The following NSMAF variants were observed in gnomAD, a reference collection of about 807,000 sequenced individuals.
NSMAF encodes the protein protein FAN.
NSMAF carries 90 observed loss-of-function variants against 134.9 expected under a neutral mutation model. That is an observed-to-expected ratio of 0.67 (90% CI 0.56 to 0.79). The LOEUF (loss-of-function observed/expected upper bound fraction) is 0.79. NSMAF is among the 30% of genes least tolerant of loss of function. The probability of loss-of-function intolerance (pLI) is 0.00; values close to 1 mark genes in which losing one functional copy is unlikely to be tolerated. For missense variants in NSMAF, 1,010 were observed against 1,119.0 expected (o/e 0.90, Z 1.39); for synonymous variants, 358 against 389.6 (o/e 0.92, Z 0.96).
chr8:58,589,053 GT>G (rs1034050016), intron 26 of NSMAF, among the ~76,000 whole-genome samples: 3 of 150,434 alleles, frequency 2.0e-5, no homozygotes, highest in African/African-American at 7.3e-5. Flanking sequence ...ATAAGGAAGT[GT>G]TTTTTTTAAA....
chr8:58,655,209 C>G (rs754481955), intron 1 of NSMAF, among the ~76,000 whole-genome samples: 2 of 151,988 alleles, frequency 1.3e-5, no homozygotes, highest in Non-Finnish European at 2.9e-5. Flanking sequence ...TGAGTTCAAA[C>G]GATCTTTGTG....
chr8:58,623,512 T>C, intron 7 of NSMAF, 88 bp from the exon 8 acceptor site: 2 of 1,343,446 alleles, frequency 1.5e-6, no homozygotes, highest in Non-Finnish European at 2.1e-6. Context: ...CAGCAATCAT[T>C]CTGTTAACAG....
intron 1 of NSMAF, among the ~76,000 whole-genome samples, chr8:58,658,375 T>C (rs1232573782): frequency 6.6e-6 from 1 of 152,272 alleles, no homozygotes; most frequent in Non-Finnish European, 1.5e-5. Context: ...ATATCTGAGA[T>C]ACGTTTTCTG....
At chr8:58,642,007 T>C (rs1363610641) in intron 2 of NSMAF, among the ~76,000 whole-genome samples, 2 of 152,168 alleles carry the variant, frequency 1.3e-5, no homozygotes, top group African/African-American at 4.8e-5. Context: ...GGGAAAAGAA[T>C]ATGAGCAAAA....
At chr8:58,627,286 C>T (rs907269745) in intron 6 of NSMAF, among the ~76,000 whole-genome samples, 12 of 152,120 alleles carry the variant, frequency 7.9e-5, no homozygotes, top group South Asian at 2.1e-4. Flanking sequence ...TCTTTGCCTA[C>T]GCCCCTGAAA....
chr8:58,595,826 G>A, intron 21 of NSMAF, 167 bp from the exon 22 acceptor site: 5 of 537,776 alleles, frequency 9.3e-6, no homozygotes, highest in South Asian at 2.5e-5. Flanking sequence ...CGTTAGTCAA[G>A]GAAAAAATTG....
chr8:58,635,423 C>T, intron 3 of NSMAF, 45 bp downstream of exon 3: 1 of 1,569,692 alleles, frequency 6.4e-7, no homozygotes, highest in Non-Finnish European at 8.7e-7. Context: ...GTAAGACATA[C>T]ACAAAAAATA....
At position 58,587,610 on chromosome 8, in the gene NSMAF, G is replaced by A. The variant is rs375018480; in HGVS notation, c.2295+8C>T. On this transcript the variant is annotated splice_region_variant and intron_variant, in intron 27 of 30. Transcript: ENST00000038176. ...CAGTTTTCTGTACAGTTTGTTGCTG[G>A]TACTCACACTGACATCATGTTCCAG... 1.4e-5 allele frequency: 22 copies of A among 1,612,884 alleles called. No individual in the cohort carries two copies. The highest frequency in any genetic ancestry group is 1.2e-4 in the African/African-American group (9 of 75,002).
At chr8:58,615,185 C>T (rs947543205) in intron 9 of NSMAF, among the ~76,000 whole-genome samples, 1 of 152,140 alleles carries the variant, frequency 6.6e-6, no homozygotes, top group African/African-American at 2.4e-5. Flanking sequence ...AACAGAGCTT[C>T]ACAACACAAA....
chr8:58,587,691 C>A lies in NSMAF; in HGVS notation c.2222G>T (p.Gly741Val), dbSNP rs371665233. The change falls in exon 27 of 31, where the codon GGT (glycine) becomes GTT (valine). Residue 741 changes from glycine (G) to valine (V), a missense_variant. Transcript: ENST00000038176. ...SWDSTVKVWS[G>V]VPAEMPGTKR... The stretch of plus-strand genomic sequence containing the variant: ...GGTGCCTGGCATCTCTGCAGGAACA[C>A]CAGACCACACCTAGGATGGAACATA... 17 of 1,613,946 alleles carry A rather than the reference C, an allele frequency of 1.1e-5. No homozygotes were observed. The African/African-American group carries it at 2.1e-4, about 20-fold the overall frequency.
chr8:58,584,031 C>T lies in NSMAF; in HGVS notation c.*75G>A. ...TCTAATTACTAACATTGCACATTCA[C>T]CAGTCCGTTTAAAAGTTTGGTTTAA... is the stretch of plus-strand genomic sequence containing the variant. On this transcript the variant is annotated 3_prime_UTR_variant, in exon 31 of 31. Transcript: ENST00000038176. 2 of 1,121,906 alleles carry T rather than the reference C, an allele frequency of 1.8e-6. No homozygotes were observed. Among genetic ancestry groups the T allele is most frequent in the Non-Finnish European group, 2.7e-6 (2 of 734,334 alleles). 69.5% of individuals were successfully genotyped at this position (1,121,906 alleles called of 1,614,324 possible).
rs71521423 is a variant in NSMAF, at chr8:58,632,352, T to C, written c.334-806A>G. On this transcript the variant is annotated intron_variant, in intron 5 of 30. Coordinates refer to ENST00000038176, the MANE Select transcript of NSMAF (RefSeq NM_003580.4). ...CCCTTGGGCCCATGACAGGTTTTCA[T>C]CCCTACCATATTATTGAAATCACTT... 3.3e-3 allele frequency among the ~76,000 whole-genome samples: 497 copies of C among 152,272 alleles called. 3 individuals carry two copies. Among genetic ancestry groups the C allele is most frequent in the Middle Eastern group, 0.01 (3 of 294 alleles).
intron 2 of NSMAF, among the ~76,000 whole-genome samples, chr8:58,641,387 A>G (rs77976156): frequency 3.3e-5 from 5 of 152,122 alleles, no homozygotes; most frequent in Admixed American, 3.3e-4. Context: ...TTCCATCTCT[A>G]TATTGTTCTT....
chr8:58,659,362 G>A (rs1198805240), intron 1 of NSMAF: 4 of 1,524,870 alleles, frequency 2.6e-6, no homozygotes, highest in Non-Finnish European at 2.6e-6. Flanking sequence ...TCCTGTCCCC[G>A]GCAGGCTCCG....
intron 1 of NSMAF, among the ~76,000 whole-genome samples, chr8:58,648,025 G>T (rs372028033): frequency 7.9e-5 from 12 of 152,310 alleles, no homozygotes; most frequent in African/African-American, 2.9e-4. Context: ...CTGGTTAAAT[G>T]GTTGTGACCA....
In NSMAF at chr8:58,597,261, T is replaced by C. The variant is rs183569498; in HGVS notation, c.1792+126A>G. 9.4e-3 allele frequency: 7,880 copies of C among 838,808 alleles called. 83 individuals are homozygous for C. The highest frequency in any genetic ancestry group is 9.4e-3 in the Non-Finnish European group (4,933 of 525,548). The allele number at this position is 838,808 out of a possible 1,614,324, so 52.0% of individuals were successfully genotyped here. ...GTATCTGTTTTCAGGAGAACTGCAA[T>C]AAGGCAGGAGAACACAATCATCTCT... On this transcript the variant is annotated intron_variant, in intron 21 of 30. Transcript: ENST00000038176.
chr8:58,643,665 G>A (rs1293077003), intron 1 of NSMAF, among the ~76,000 whole-genome samples: 1 of 152,014 alleles, frequency 6.6e-6, no homozygotes, highest in Non-Finnish European at 1.5e-5. Context: ...CCAAGTAGCT[G>A]GGATTACAGG....
Position 58,659,537 on chromosome 8 carries a change from G to A in NSMAF, c.59+36C>T, listed in dbSNP as rs746213085. ...CGTCCCCACGACCGGCCCCGACTAG[G>A]CCCCCGGCTGGGCCCTTCTTCAGCT... On this transcript the variant is annotated intron_variant, in intron 1 of 30. Coordinates refer to ENST00000038176, the MANE Select transcript of NSMAF (RefSeq NM_003580.4). 1.2e-5 allele frequency: 18 copies of A among 1,523,178 alleles called. No individual in the cohort carries two copies. The South Asian group carries it at 2.0e-4, about 17-fold the overall frequency. The allele number at this position is 1,523,178 out of a possible 1,614,324, so 94.4% of individuals were successfully genotyped here.
intron 1 of NSMAF, chr8:58,659,089 T>A: frequency 1.6e-3 from 852 of 545,560 alleles, no homozygotes; most frequent in Middle Eastern, 4.8e-3. Context: ...GTCGCCGGCC[T>A]GCTCGGTGCC....
Sources: gnomAD v4.1 joint callset for allele counts (sites outside exome capture counted in the v4.1 genomes callset) on GRCh38, gnomAD v4.1.1 for gene constraint, MANE v1.5 for transcripts, NCBI Gene and HGNC (gene_info 2026-07-23, HGNC 2026-07-21) for gene names.